ZNF738: variants seen among roughly 807,000 people sequenced by gnomAD.
ZNF738 encodes protein ZNF738.
ZNF738 carries 10 observed loss-of-function variants against 9.2 expected under a neutral mutation model. The observed-to-expected ratio is 1.09, with a 90% CI of 0.67 to 1.85. The LOEUF is 1.85. Among genes scored for constraint, ZNF738 ranks in the 40% most tolerant of loss-of-function variants. The pLI is 0.00. For missense variants in ZNF738, 346 were observed against 283.6 expected, an observed-to-expected ratio of 1.22 and a Z score of -1.58; for synonymous variants, 113 against 94.5, an observed-to-expected ratio of 1.20 and a Z score of -1.14.
intron 4 of ZNF738, chr19:21,381,455 A>G: frequency 7.2e-7 from 1 of 1,390,536 alleles, no homozygotes; most frequent in Non-Finnish European, 1.0e-6. Flanking sequence ...CCTGGTTTGG[A>G]CACCAACTTT....
At chr19:21,377,305 T>TAA (rs879700513) in intron 4 of ZNF738, 1,012 of 441,770 alleles carry the variant, frequency 2.3e-3, no homozygotes, top group South Asian at 2.9e-3. Flanking sequence ...AAACTCCATC[T>TAA]AAAAAAAAAA....
chr19:21,375,229 G>GTC lies in ZNF738; in HGVS notation c.97-8_97-7insCT. ...CTTGTAAATATGTGTGTGTGTGTGT[G>GTC]TTTTTCAGGGGCCGTTGACATTTAG... On this transcript the variant is annotated splice_polypyrimidine_tract_variant and intron_variant, in intron 2 of 4. Transcript: ENST00000683779. The GTC allele has an allele frequency of 9.1e-7, 1 of 1,103,234 alleles. No individual in the cohort carries two copies. The highest frequency in any genetic ancestry group is 1.4e-6 in the Non-Finnish European group (1 of 730,216). 68.3% of individuals were successfully genotyped at this position (1,103,234 alleles called of 1,614,324 possible). A position where few individuals can be genotyped will look rare whatever the true frequency, so the allele number is the denominator to read the frequency against.
In ZNF738 at chr19:21,385,462, A is replaced by T. The variant is rs1239190999; in HGVS notation, c.*1788A>T. 6.8e-6 allele frequency among the ~76,000 whole-genome samples: 1 copy of T among 147,360 alleles called. No individual in the cohort carries two copies. Among genetic ancestry groups the T allele is most frequent in the East Asian group, 2.0e-4 (1 of 5,122 alleles). On this transcript the variant is annotated 3_prime_UTR_variant, in exon 5 of 5. Coordinates refer to ENST00000683779, the MANE Select transcript of ZNF738 (RefSeq NM_001355237.2). The stretch of plus-strand genomic sequence containing the variant: ...CAGAGAGAGACTCTATCTCCAAAAA[A>T]ATAAATAAATAAATAAAAAAAATAA...
At chr19:21,359,212 G>A (rs574059817) in intron 1 of ZNF738, 69 bp downstream of exon 1, 13 of 983,228 alleles carry the variant, frequency 1.3e-5, no homozygotes, top group Non-Finnish European at 1.7e-6. Context: ...AAGTGGCTGT[G>A]GCGAGACTCA....
chr19:21,388,477 A>C lies in ZNF738; in HGVS notation c.*4803A>C, dbSNP rs1974093806. 6.6e-6 allele frequency among the ~76,000 whole-genome samples: 1 copy of C among 152,148 alleles called. No individual in the cohort carries two copies. Among genetic ancestry groups the C allele is most frequent in the Non-Finnish European group, 1.5e-5 (1 of 68,022 alleles). ...AGTGATATATGAGGTAGGTGTTAAG[A>C]GTATTGTTCTTTTGCATTATGAGAA... On this transcript the variant is annotated 3_prime_UTR_variant, in exon 5 of 5. Coordinates refer to ENST00000683779, the MANE Select transcript of ZNF738 (RefSeq NM_001355237.2).
Position 21,383,069 on chromosome 19 carries a change from AT to A in ZNF738, c.524del (p.Ile175AsnfsTer8), listed in dbSNP as rs1442898643. On this transcript the variant is annotated frameshift_variant, in exon 5 of 5. Transcript: ENST00000683779. LOFTEE classifies it low-confidence loss of function (END_TRUNC). ...KEYLTTTQSK[I>X]FQCDKYVKVF... The stretch of plus-strand genomic sequence containing the variant: ...GTATTTGACAACTACCCAGAGCAAA[AT>A]ATTTCAATGTGATAAATATGTGAAA... The A allele has an allele frequency of 8.1e-7, 1 of 1,228,930 alleles. No individual in the cohort carries two copies. Among genetic ancestry groups the A allele is most frequent in the Non-Finnish European group, 1.2e-6 (1 of 859,066 alleles). The allele number at this position is 1,228,930 out of a possible 1,614,324, so 76.1% of individuals were successfully genotyped here.
rs750021088 is a variant in ZNF738, at chr19:21,375,243, G to A, written c.102G>A (p.Pro34=). The A allele has an allele frequency of 6.3e-6, 7 of 1,119,598 alleles. No homozygotes were observed. Among genetic ancestry groups the A allele is most frequent in the Admixed American group, 3.6e-5 (2 of 55,046 alleles). The allele number at this position is 1,119,598 out of a possible 1,614,324, so 69.4% of individuals were successfully genotyped here. A position where few individuals can be genotyped will look rare whatever the true frequency, so the allele number is the denominator to read the frequency against. ...TGTGTGTGTGTGTTTTTCAGGGGCC[G>A]TTGACATTTAGGGATGTGGTCATAG... ...LLEYSYFEKG[P]LTFRDVVIEF... The change falls in exon 3 of 5, where the codon CCG becomes CCA. Residue 34 remains proline (P), a synonymous_variant. Coordinates refer to ENST00000683779, the MANE Select transcript of ZNF738 (RefSeq NM_001355237.2).
rs1974042762 is a variant in ZNF738, at chr19:21,384,426, GA to G, written c.*754del. The stretch of plus-strand genomic sequence containing the variant: ...TGGAGAGAAACCCTACAAATGTTTA[GA>G]ATGTGGCAAAGATTTCTACCAATTC... On this transcript the variant is annotated 3_prime_UTR_variant, in exon 5 of 5. Transcript: ENST00000683779. Among the ~76,000 whole-genome samples the G allele has an allele frequency of 6.6e-6, 1 of 152,060 alleles. No homozygotes were observed. The highest frequency in any genetic ancestry group is 2.1e-4 in the South Asian group (1 of 4,828).
chr19:21,386,599 G>C lies in ZNF738; in HGVS notation c.*2925G>C. 1 of 306,948 alleles carries C rather than the reference G, an allele frequency of 3.3e-6. No individual in the cohort carries two copies. The highest frequency in any genetic ancestry group is 8.5e-5 in the East Asian group (1 of 11,812). 19.0% of individuals were successfully genotyped at this position (306,948 alleles called of 1,614,324 possible). A position where few individuals can be genotyped will look rare whatever the true frequency, so the allele number is the denominator to read the frequency against. ...GAGAAACACTACAAATGTGAGGAAT[G>C]TGACAAAGCCTTTAACCAGTCCTCA... On this transcript the variant is annotated 3_prime_UTR_variant, in exon 5 of 5. Coordinates refer to ENST00000683779, the MANE Select transcript of ZNF738 (RefSeq NM_001355237.2).
chr19:21,387,989 T>C lies in ZNF738; in HGVS notation c.*4315T>C, dbSNP rs1183118038. On this transcript the variant is annotated 3_prime_UTR_variant, in exon 5 of 5. Transcript: ENST00000683779. ...TTATACTGAAGAATATTTTTGAAGA[T>C]GCACTAAAAATGAAAAAATATTTAA... Among the ~76,000 whole-genome samples, 4 of 152,154 alleles carry C rather than the reference T, an allele frequency of 2.6e-5. No homozygotes were observed. Among genetic ancestry groups the C allele is most frequent in the Admixed American group, 2.6e-4 (4 of 15,266 alleles).
intron 1 of ZNF738, among the ~76,000 whole-genome samples, chr19:21,360,780 A>G (rs750935019): frequency 1.4e-5 from 2 of 146,356 alleles, no homozygotes; most frequent in Non-Finnish European, 3.0e-5. Flanking sequence ...ACTTTTTTAT[A>G]CCGTATTTTA....
In ZNF738 at chr19:21,383,850, G is replaced by T; in HGVS notation, c.*176G>T. The T allele has an allele frequency of 4.4e-6, 6 of 1,348,996 alleles. No individual in the cohort carries two copies. Among genetic ancestry groups the T allele is most frequent in the Non-Finnish European group, 5.3e-6 (5 of 945,480 alleles). 83.6% of individuals were successfully genotyped at this position (1,348,996 alleles called of 1,614,324 possible). ...CTACAAATGTGGAGAATGTGGCAAA[G>T]CTTTCTTCAGATTCTCATACCTTAC... On this transcript the variant is annotated 3_prime_UTR_variant, in exon 5 of 5. Transcript: ENST00000683779.
intron 4 of ZNF738, chr19:21,378,670 G>A (rs1282477273): frequency 1.6e-5 from 6 of 385,530 alleles, no homozygotes; most frequent in South Asian, 3.7e-5. Flanking sequence ...GTGAAATGGC[G>A]CGATTTCACC....
At position 21,361,093 on chromosome 19, in the gene ZNF738, C is replaced by G. The variant is rs139579303; in HGVS notation, c.4-673C>G. On this transcript the variant is annotated intron_variant, in intron 1 of 4. Transcript: ENST00000683779. Reference sequence around the variant, plus strand: ...CCTCCCGAAGTGCTGGGATTACAGGCGTGAGCCACTGCGCCCTGCATAAAT... The same window carrying G: ...CCTCCCGAAGTGCTGGGATTACAGGGGTGAGCCACTGCGCCCTGCATAAAT... Among the ~76,000 whole-genome samples, 2 of 151,140 alleles carry G rather than the reference C, an allele frequency of 1.3e-5. 1 individual carries two copies. The highest frequency in any genetic ancestry group is 4.9e-5 in the African/African-American group (2 of 41,108).
rs1974083192 is a variant in ZNF738, at chr19:21,387,718, A to ATGT, written c.*4044_*4045insTGT. On this transcript the variant is annotated 3_prime_UTR_variant, in exon 5 of 5. Transcript: ENST00000683779. ...AATTACTGTCAAAAGGTCTTTCAGA[A>ATGT]AAATATAACCCTTTAAAGTGAAGAA... Among the ~76,000 whole-genome samples, 2 of 152,236 alleles carry ATGT rather than the reference A, an allele frequency of 1.3e-5. No individual in the cohort carries two copies. Among genetic ancestry groups the ATGT allele is most frequent in the African/African-American group, 4.8e-5 (2 of 41,478 alleles).
intron 4 of ZNF738, chr19:21,378,127 T>C (rs1973957244): frequency 5.1e-6 from 2 of 395,288 alleles, no homozygotes; most frequent in Non-Finnish European, 8.9e-6. Flanking sequence ...TCATTACATA[T>C]GTTCTCAGAT....
At chr19:21,360,563 C>G (rs1446273212) in intron 1 of ZNF738, 1 of 151,632 alleles carries the variant, frequency 6.6e-6, no homozygotes, top group East Asian at 2.0e-4. Context: ...AAACAATTCT[C>G]CCACTTCAGC....
intron 2 of ZNF738, among the ~76,000 whole-genome samples, chr19:21,363,925 G>C (rs975396286): frequency 6.6e-6 from 1 of 150,932 alleles, no homozygotes; most frequent in African/African-American, 2.4e-5. Flanking sequence ...AGCCCGGCAT[G>C]GTGGCTCATG....
intron 4 of ZNF738, among the ~76,000 whole-genome samples, chr19:21,380,410 A>G (rs1403679052): frequency 6.6e-6 from 1 of 152,294 alleles, no homozygotes; most frequent in East Asian, 1.9e-4. Flanking sequence ...ATGGGGGTAG[A>G]GTCCCCACTC....
Sources: allele counts gnomAD v4.1 joint callset (sites outside exome capture counted in the v4.1 genomes callset), GRCh38; gene constraint gnomAD v4.1.1; transcripts MANE v1.5; gene names NCBI Gene and HGNC (gene_info 2026-07-23, HGNC 2026-07-21).